The following CHSY3 variants were observed in gnomAD, a reference collection of about 807,000 sequenced individuals.
CHSY3 encodes chondroitin sulfate synthase 3.
CHSY3 carries 35 observed loss-of-function variants against 67.2 expected under a neutral mutation model. That is an observed-to-expected ratio of 0.52 (90% CI 0.40 to 0.69). CHSY3 has a LOEUF of 0.69. CHSY3 is among the 30% of genes least tolerant of loss of function. CHSY3 has a pLI of 0.00. For synonymous variants in CHSY3, 474 were observed against 434.7 expected, an observed-to-expected ratio of 1.09 and a Z score of -1.12; for missense variants, 1,069 against 1,138.5, an observed-to-expected ratio of 0.94 and a Z score of 0.88.
intron 2 of CHSY3, among the ~76,000 whole-genome samples, chr5:130,059,958 C>G (rs1047830987): frequency 1.3e-5 from 2 of 151,818 alleles, no homozygotes; most frequent in Non-Finnish European, 2.9e-5. Flanking sequence ...AGAATCTGAG[C>G]CACACTTTTA....
intron 2 of CHSY3, among the ~76,000 whole-genome samples, chr5:130,031,513 G>C (rs1209434890): frequency 6.6e-6 from 1 of 152,150 alleles, no homozygotes; most frequent in Non-Finnish European, 1.5e-5. Flanking sequence ...CTTGTTTACA[G>C]TATTCCATGT....
At chr5:130,105,132 A>C (rs1767374235) in intron 2 of CHSY3, among the ~76,000 whole-genome samples, 1 of 151,698 alleles carries the variant, frequency 6.6e-6, no homozygotes, top group African/African-American at 2.4e-5. Flanking sequence ...GAAAGTATGA[A>C]TATGAGATGA....
At chr5:130,119,221 G>C (rs921103559) in intron 2 of CHSY3, among the ~76,000 whole-genome samples, 5 of 152,088 alleles carry the variant, frequency 3.3e-5, no homozygotes, top group Admixed American at 1.3e-4. Context: ...CTCCAACTCA[G>C]GACTGACTGA....
chr5:130,039,878 CT>C (rs1284755840), intron 2 of CHSY3, among the ~76,000 whole-genome samples: 1 of 152,094 alleles, frequency 6.6e-6, no homozygotes, highest in Non-Finnish European at 1.5e-5. Flanking sequence ...CCTGTGAAAA[CT>C]TTTCTGATCC....
intron 2 of CHSY3, among the ~76,000 whole-genome samples, chr5:129,963,099 A>G (rs1232210295): frequency 2.0e-5 from 3 of 151,684 alleles, no homozygotes; most frequent in Non-Finnish European, 4.4e-5. Flanking sequence ...GTCTAGCAAA[A>G]CTATGGTGGA....
chr5:129,955,345 A>G lies in CHSY3; in HGVS notation c.1086+46985A>G, dbSNP rs1435056787. Among the ~76,000 whole-genome samples, 7 of 151,504 alleles carry G rather than the reference A, an allele frequency of 4.6e-5. No individual in the cohort carries two copies. The South Asian group carries it at 1.3e-3, about 27-fold the overall frequency. ...CTGTTGTTCCAGAGCCAGCTGCAGA[A>G]CTCTCACCAAGTGATCTGCATTTAT... On this transcript the variant is annotated intron_variant, in intron 2 of 2. Coordinates refer to ENST00000305031, the MANE Select transcript of CHSY3 (RefSeq NM_175856.5).
intron 2 of CHSY3, among the ~76,000 whole-genome samples, chr5:130,060,350 G>A (rs1580694978): frequency 6.6e-6 from 1 of 152,018 alleles, no homozygotes; most frequent in African/African-American, 2.4e-5. Flanking sequence ...AAAGGCATTC[G>A]ATAAAGTCCA....
chr5:130,151,761 G>A (rs1044603654), intron 2 of CHSY3, among the ~76,000 whole-genome samples: 4 of 151,970 alleles, frequency 2.6e-5, no homozygotes, highest in East Asian at 1.9e-4. Flanking sequence ...GAACATCATG[G>A]GGGTAACCGC....
chr5:129,984,165 C>G lies in CHSY3; in HGVS notation c.1086+75805C>G, dbSNP rs1169268915. Among the ~76,000 whole-genome samples, 3 of 152,026 alleles carry G rather than the reference C, an allele frequency of 2.0e-5. No individual in the cohort carries two copies. The East Asian group carries it at 5.8e-4, about 29-fold the overall frequency. On this transcript the variant is annotated intron_variant, in intron 2 of 2. Coordinates refer to ENST00000305031, the MANE Select transcript of CHSY3 (RefSeq NM_175856.5). Reference sequence around the variant, plus strand: ...GCATAGTACCCAATAGGTAGTTTTTCAATCCTTACTCTCCTCCCAACCTGT... The same window carrying G: ...GCATAGTACCCAATAGGTAGTTTTTGAATCCTTACTCTCCTCCCAACCTGT...
intron 2 of CHSY3, among the ~76,000 whole-genome samples, chr5:130,016,347 C>T (rs1298800162): frequency 6.6e-6 from 1 of 152,192 alleles, no homozygotes; most frequent in Non-Finnish European, 1.5e-5. Context: ...AGTAATATAA[C>T]AGGGCTGATG....
intron 2 of CHSY3, among the ~76,000 whole-genome samples, chr5:129,946,104 C>G (rs1304580881): frequency 6.6e-6 from 1 of 152,130 alleles, no homozygotes; most frequent in Non-Finnish European, 1.5e-5. Flanking sequence ...GAATTTTTCA[C>G]CTTTCTGAAT....
Position 129,905,443 on chromosome 5 carries a change from T to G in CHSY3, c.614T>G (p.Phe205Cys). 1 of 1,612,036 alleles carries G rather than the reference T, an allele frequency of 6.2e-7. No homozygotes were observed. The highest frequency in any genetic ancestry group is 8.5e-7 in the Non-Finnish European group (1 of 1,179,892). The change falls in exon 1 of 3, where the codon TTC (phenylalanine) becomes TGC (cysteine). Residue 205 changes from phenylalanine to cysteine, a missense_variant. Transcript: ENST00000305031. ...CGTTTCATCCCGGGCCGCGTGGAGTTCTTTTCCAGCCAGCAGCCCCCCAAC... is the reference window on the plus strand; with the variant it reads ...CGTTTCATCCCGGGCCGCGTGGAGTGCTTTTCCAGCCAGCAGCCCCCCAAC... ...WARFIPGRVE[F>C]FSSQQPPNAG...
At chr5:130,161,278 T>C (rs1370186522) in intron 2 of CHSY3, among the ~76,000 whole-genome samples, 2 of 152,192 alleles carry the variant, frequency 1.3e-5, no homozygotes, top group Non-Finnish European at 2.9e-5. Context: ...TACCTTTTAA[T>C]TTTTTAAACT....
intron 2 of CHSY3, among the ~76,000 whole-genome samples, chr5:130,179,052 T>C (rs894919817): frequency 1.3e-5 from 2 of 152,230 alleles, no homozygotes; most frequent in Non-Finnish European, 2.9e-5. Context: ...TCCACTTTTA[T>C]TCCCTATGTT....
chr5:130,086,445 T>C (rs1027837679), intron 2 of CHSY3, among the ~76,000 whole-genome samples: 4 of 152,056 alleles, frequency 2.6e-5, no homozygotes, highest in Admixed American at 2.0e-4. Flanking sequence ...CTGCCTTTTT[T>C]TGTTTTCCAT....
intron 2 of CHSY3, among the ~76,000 whole-genome samples, chr5:129,992,829 C>A (rs930016921): frequency 2.0e-4 from 30 of 152,182 alleles, no homozygotes; most frequent in Non-Finnish European, 1.3e-4. Context: ...AGGCAATTTC[C>A]TTGCAAATCC....
chr5:130,079,946 C>G (rs1766392642), intron 2 of CHSY3, among the ~76,000 whole-genome samples: 1 of 151,574 alleles, frequency 6.6e-6, no homozygotes, highest in Middle Eastern at 3.2e-3. Context: ...GAAGTCATTA[C>G]ATTGTTTTTT....
At position 130,047,687 on chromosome 5, in the gene CHSY3, C is replaced by A. The variant is rs534276976; in HGVS notation, c.1087-136542C>A. On this transcript the variant is annotated intron_variant, in intron 2 of 2. Transcript: ENST00000305031. The stretch of plus-strand genomic sequence containing the variant: ...TCAATAACAACATACTGAACTCTTA[C>A]TAATGCCAAAGCAAGAATAATATCT... 6.6e-5 allele frequency among the ~76,000 whole-genome samples: 10 copies of A among 152,132 alleles called. No individual in the cohort carries two copies. In the South Asian group the frequency reaches 2.1e-3, roughly 32 times the overall value.
Position 130,045,675 on chromosome 5 carries a change from A to G in CHSY3, c.1086+137315A>G, listed in dbSNP as rs561424171. ...TACGTGGGGATGCCATTGCCCTGGA[A>G]CTACTGTTTCTGGTGAAGGATGCTG... On this transcript the variant is annotated intron_variant, in intron 2 of 2. Coordinates refer to ENST00000305031, the MANE Select transcript of CHSY3 (RefSeq NM_175856.5). Among the ~76,000 whole-genome samples, 266 of 152,184 alleles carry G rather than the reference A, an allele frequency of 1.7e-3. 1 individual carries two copies. Among genetic ancestry groups the G allele is most frequent in the Non-Finnish European group, 2.9e-3 (194 of 67,996 alleles).
Sources: gnomAD v4.1 joint callset for allele counts (sites outside exome capture counted in the v4.1 genomes callset) on GRCh38, gnomAD v4.1.1 for gene constraint, MANE v1.5 for transcripts, NCBI Gene and HGNC (gene_info 2026-07-23, HGNC 2026-07-21) for gene names.